Variants in HEPACAM2 observed in about 807,000 individuals in gnomAD.
The protein encoded by HEPACAM2 is mitotic kinetics regulator.
In HEPACAM2, 49 loss-of-function variants were observed where a neutral mutation model predicts 49.6. That is an observed-to-expected ratio of 0.99 (90% CI 0.78 to 1.25). HEPACAM2 has a LOEUF of 1.25. HEPACAM2 is among the 50% of genes most tolerant of loss of function. HEPACAM2 has a pLI of 0.00. For missense variants in HEPACAM2, 525 were observed against 557.2 expected, an observed-to-expected ratio of 0.94 and a Z score of 0.58; for synonymous variants, 197 against 202.9, an observed-to-expected ratio of 0.97 and a Z score of 0.25.
intron 4 of HEPACAM2, among the ~76,000 whole-genome samples, chr7:93,200,932 C>T (rs1644270543): frequency 6.6e-6 from 1 of 152,092 alleles, no homozygotes; most frequent in Non-Finnish European, 1.5e-5. Flanking sequence ...CATTTCAGGG[C>T]ACACTCACAC....
rs1305802422 is a variant in HEPACAM2 at position 93,197,680 on chromosome 7, G to A, written c.1013-70C>T. The stretch of plus-strand genomic sequence containing the variant: ...TATATAACTTGACTTTTTAAATGCC[G>A]TATTTTAAATGAGACGCTATTGAAA... On this transcript the variant is annotated intron_variant, in intron 4 of 9. Coordinates refer to ENST00000394468, the MANE Select transcript of HEPACAM2 (RefSeq NM_001039372.4). 1.6e-5 allele frequency: 18 copies of A among 1,128,618 alleles called. No homozygotes were observed. The South Asian group carries it at 2.0e-4, about 13-fold the overall frequency. The allele number at this position is 1,128,618 out of a possible 1,614,324, so 69.9% of individuals were successfully genotyped here.
At chr7:93,230,454 C>G (rs1338925839), upstream of HEPACAM2, among the ~76,000 whole-genome samples, 2 of 152,200 alleles carry the variant, frequency 1.3e-5, no homozygotes, top group Admixed American at 6.5e-5. Flanking sequence ...TCAGGTGAAT[C>G]TGAACAGTCA....
chr7:93,206,581 G>A lies in HEPACAM2; in HGVS notation c.1012+1999C>T, dbSNP rs144974715. On this transcript the variant is annotated intron_variant, in intron 4 of 9. Transcript: ENST00000394468. ...ATTCTAGAGCTGCATTGTCTGACATGGTAACCACTAAACATGTGGCTATTT... is the reference window on the plus strand; with the variant it reads ...ATTCTAGAGCTGCATTGTCTGACATAGTAACCACTAAACATGTGGCTATTT... Among the ~76,000 whole-genome samples, 1,413 of 151,890 alleles carry A rather than the reference G, an allele frequency of 9.3e-3. 18 individuals are homozygous for A. Among genetic ancestry groups the A allele is most frequent in the African/African-American group, 0.03 (1,260 of 41,404 alleles).
chr7:93,198,911 C>T (rs1584332623), intron 4 of HEPACAM2, among the ~76,000 whole-genome samples: 1 of 152,092 alleles, frequency 6.6e-6, no homozygotes, highest in African/African-American at 2.4e-5. Context: ...ACTCTCTTGG[C>T]TTTTCCACTC....
chr7:93,228,802 T>C (rs2116738380), upstream of HEPACAM2, among the ~76,000 whole-genome samples: 1 of 152,286 alleles, frequency 6.6e-6, no homozygotes, highest in African/African-American at 2.4e-5. Flanking sequence ...GGATAGAGTA[T>C]GCGTGTGTGT....
At chr7:93,229,776 A>G (rs1215851230), upstream of HEPACAM2, among the ~76,000 whole-genome samples, 1 of 152,222 alleles carries the variant, frequency 6.6e-6, no homozygotes, top group Non-Finnish European at 1.5e-5. Flanking sequence ...TCTTAAAAAT[A>G]AATACCTTTT....
At chr7:93,196,286 CTAACAGATCTAACAGATG>C (rs1389484775) in intron 7 of HEPACAM2, among the ~76,000 whole-genome samples, 3 of 152,114 alleles carry the variant, frequency 2.0e-5, no homozygotes, top group African/African-American at 7.2e-5. Flanking sequence ...CCTGTTAGAT[CTAACAGATCTAACAGATG>C]TAACAGATCA....
intron 4 of HEPACAM2, among the ~76,000 whole-genome samples, chr7:93,204,818 G>C (rs1793988113): frequency 1.3e-5 from 2 of 152,088 alleles, no homozygotes; most frequent in Admixed American, 1.3e-4. Flanking sequence ...AAGGGCTTTG[G>C]GTCAGGTGTG....
At chr7:93,217,404 G>A (rs1051393225) in intron 2 of HEPACAM2, among the ~76,000 whole-genome samples, 6 of 152,160 alleles carry the variant, frequency 3.9e-5, no homozygotes, top group African/African-American at 1.2e-4. Context: ...GCTTTACTAA[G>A]TTTTTGGTTG....
chr7:93,214,763 T>A (rs1794260062), intron 3 of HEPACAM2, among the ~76,000 whole-genome samples: 1 of 152,192 alleles, frequency 6.6e-6, no homozygotes, highest in Non-Finnish European at 1.5e-5. Context: ...TTGCACATGT[T>A]GAAAGAAAGA....
chr7:93,222,131 T>C (rs1445293469), intron 1 of HEPACAM2, among the ~76,000 whole-genome samples: 1 of 152,122 alleles, frequency 6.6e-6, no homozygotes, highest in Non-Finnish European at 1.5e-5. Context: ...AGGCTGACAG[T>C]CGGGGTGAAA....
intron 4 of HEPACAM2, among the ~76,000 whole-genome samples, chr7:93,201,837 G>A (rs1270490689): frequency 6.6e-6 from 1 of 151,874 alleles, no homozygotes; most frequent in Non-Finnish European, 1.5e-5. Context: ...AGATCATTTT[G>A]TTGTTCTTTA....
intron 4 of HEPACAM2, among the ~76,000 whole-genome samples, chr7:93,200,395 T>A (rs940613695): frequency 2.0e-5 from 3 of 152,124 alleles, no homozygotes; most frequent in African/African-American, 7.2e-5. Context: ...TGAAATCAAT[T>A]TAACCATTGG....
Position 93,208,840 on chromosome 7 carries a change from C to T in HEPACAM2, c.752G>A (p.Gly251Glu), listed in dbSNP as rs1794102504. The change falls in exon 4 of 10, where the codon GGG (glycine) becomes GAG (glutamate). Residue 251 changes from glycine to glutamate, a missense_variant. By Grantham distance (98) the Gly-to-Glu change is moderately conservative (BLOSUM62 -2). Coordinates refer to ENST00000394468, the MANE Select transcript of HEPACAM2 (RefSeq NM_001039372.4). ...PYGLQVNSDKGLKVGEVFTVD... is the reference protein window; with the variant it reads ...PYGLQVNSDKELKVGEVFTVD... ...AGTAAACACTTCCCCTACTTTTAGCCCTTTATCAGAATTCACTTGAAGTCC... is the reference window on the plus strand; with the variant it reads ...AGTAAACACTTCCCCTACTTTTAGCTCTTTATCAGAATTCACTTGAAGTCC... 5 of 1,610,058 alleles carry T rather than the reference C, an allele frequency of 3.1e-6. No individual in the cohort carries two copies. The East Asian group carries it at 1.1e-4, about 36-fold the overall frequency.
intron 8 of HEPACAM2, among the ~76,000 whole-genome samples, chr7:93,194,776 C>T (rs2116631014): frequency 6.6e-6 from 1 of 152,122 alleles, no homozygotes; most frequent in Non-Finnish European, 1.5e-5. Flanking sequence ...TTTTATGGTG[C>T]CCTTCCTCAA....
intron 4 of HEPACAM2, chr7:93,205,725 CT>C (rs1794010486): frequency 6.6e-6 from 1 of 152,084 alleles, no homozygotes; most frequent in Non-Finnish European, 1.5e-5. Context: ...GGTTCATTAA[CT>C]TTGAAACTTA....
intron 4 of HEPACAM2, among the ~76,000 whole-genome samples, chr7:93,206,427 C>T (rs2116674946): frequency 6.6e-6 from 1 of 152,114 alleles, no homozygotes; most frequent in Admixed American, 6.6e-5. Context: ...CAATATTTGG[C>T]CCATAGTGAG....
intron 4 of HEPACAM2, among the ~76,000 whole-genome samples, chr7:93,202,031 C>CAAAAAAAAA (rs1793900818): frequency 4.4e-5 from 1 of 22,752 alleles, no homozygotes; most frequent in Non-Finnish European, 8.0e-5. Context: ...AAAAAAAAAA[C>CAAAAAAAAA]CAAAAAAAAA....
At chr7:93,190,476 A>G (rs1158917113) in intron 9 of HEPACAM2, among the ~76,000 whole-genome samples, 2 of 152,002 alleles carry the variant, frequency 1.3e-5, no homozygotes, top group African/African-American at 4.8e-5. Flanking sequence ...ACAAACACAA[A>G]AAAGATTGAG....
Sources: allele counts gnomAD v4.1 joint callset (sites outside exome capture counted in the v4.1 genomes callset), GRCh38; gene constraint gnomAD v4.1.1; transcripts MANE v1.5; gene names NCBI Gene and HGNC (gene_info 2026-07-23, HGNC 2026-07-21).